DLG2: variants seen among roughly 807,000 people sequenced by gnomAD.
DLG2 encodes disks large homolog 2.
DLG2 carries 45 observed loss-of-function variants against 132.5 expected under a neutral mutation model. The ratio of observed to expected loss-of-function variants is 0.34; its 90% CI spans 0.27 to 0.44. The LOEUF (loss-of-function observed/expected upper bound fraction) is 0.44. Among genes scored for constraint, DLG2 ranks in the 20% least tolerant of loss-of-function variants. DLG2 has a pLI of 1.00. For missense variants in DLG2, 1,045 were observed against 1,196.9 expected (o/e 0.87, Z 1.87); for synonymous variants, 424 against 419.6 (o/e 1.01, Z -0.13).
At chr11:83,638,959 TTTG>T (rs1447935578) in intron 18 of DLG2, among the ~76,000 whole-genome samples, 1 of 152,166 alleles carries the variant, frequency 6.6e-6, no homozygotes, top group Non-Finnish European at 1.5e-5. Context: ...TTGTTTGCAA[TTTG>T]TTAAGGGTAA....
intron 6 of DLG2, among the ~76,000 whole-genome samples, chr11:84,917,824 T>C (rs1457617215): frequency 3.3e-5 from 5 of 152,140 alleles, no homozygotes; most frequent in African/African-American, 1.2e-4. Flanking sequence ...GGTGTCCAAA[T>C]GGCTCACAAC....
intron 9 of DLG2, among the ~76,000 whole-genome samples, chr11:84,159,542 G>T (rs1348413923): frequency 2.0e-5 from 3 of 152,186 alleles, no homozygotes; most frequent in African/African-American, 7.2e-5. Flanking sequence ...GGTCACCGTG[G>T]CTAGAGTGAA....
At chr11:84,371,436 CG>C (rs2098706071) in intron 7 of DLG2, among the ~76,000 whole-genome samples, 1 of 151,642 alleles carries the variant, frequency 6.6e-6, no homozygotes, top group African/African-American at 2.4e-5. Flanking sequence ...TTTGTATAGA[CG>C]GGGTTTTGCC....
intron 8 of DLG2, among the ~76,000 whole-genome samples, chr11:84,198,085 T>A (rs866075334): frequency 6.6e-6 from 1 of 152,302 alleles, no homozygotes; most frequent in African/African-American, 2.4e-5. Context: ...CTTGGACAAC[T>A]TCTGTATAAA....
chr11:85,197,440 C>A (rs970060056), intron 4 of DLG2, among the ~76,000 whole-genome samples: 3 of 152,146 alleles, frequency 2.0e-5, no homozygotes, highest in Non-Finnish European at 2.9e-5. Context: ...CTTCTAGACT[C>A]ACACCAAGAA....
intron 6 of DLG2, among the ~76,000 whole-genome samples, chr11:84,536,895 A>G (rs1027305837): frequency 6.6e-6 from 1 of 152,196 alleles, no homozygotes; most frequent in African/African-American, 2.4e-5. Flanking sequence ...GCTGGGCTAT[A>G]GAAACAGCCT....
chr11:85,625,808 C>CAAAAA (rs2081999917), intron 2 of DLG2, among the ~76,000 whole-genome samples: 1 of 152,080 alleles, frequency 6.6e-6, no homozygotes, highest in South Asian at 2.1e-4. Context: ...CATATAATGT[C>CAAAAA]AAAACAAAAC....
chr11:84,365,702 G>T (rs1473529702), intron 7 of DLG2, among the ~76,000 whole-genome samples: 1 of 151,746 alleles, frequency 6.6e-6, no homozygotes, highest in African/African-American at 2.4e-5. Context: ...AGAGATTCTG[G>T]TATGTTGTGT....
At position 85,131,837 on chromosome 11, in the gene DLG2, T is replaced by A. The variant is rs564447853; in HGVS notation, c.283-20102A>T. ...GGAGATCACAATGGGACATCTACAC[T>A]TAGTTAACTCTCATGTACTAAGCTA... On this transcript the variant is annotated intron_variant, in intron 5 of 27. Coordinates refer to ENST00000376104, the MANE Select transcript of DLG2 (RefSeq NM_001142699.3). Among the ~76,000 whole-genome samples, 3 of 152,284 alleles carry A rather than the reference T, an allele frequency of 2.0e-5. No homozygotes were observed. The East Asian group carries it at 5.8e-4, about 29-fold the overall frequency.
In DLG2 at chr11:85,440,453, G is replaced by A. The variant is rs190941411; in HGVS notation, c.41-155088C>T. 1.5e-4 allele frequency among the ~76,000 whole-genome samples: 23 copies of A among 152,224 alleles called. 1 individual carries two copies. Among genetic ancestry groups the A allele is most frequent in the African/African-American group, 5.3e-4 (22 of 41,540 alleles). ...CCAGACATTTTTCTCATTTCTCCCA[G>A]GAGTAAGGCTGTCACCTGTCACTTT... On this transcript the variant is annotated intron_variant, in intron 3 of 27. Coordinates refer to ENST00000376104, the MANE Select transcript of DLG2 (RefSeq NM_001142699.3).
Position 85,610,961 on chromosome 11 carries a change from T to C in DLG2, c.-92-12173A>G, listed in dbSNP as rs1336341411. On this transcript the variant is annotated intron_variant, in intron 2 of 27. Transcript: ENST00000376104. ...TAATCAAGGAGCCCCAGAGGGCAAA[T>C]ACTCATCTAGTAGAATGAGAACCAG... Among the ~76,000 whole-genome samples the C allele has an allele frequency of 2.6e-5, 4 of 152,124 alleles. No individual in the cohort carries two copies. In the South Asian group the frequency reaches 8.3e-4, roughly 32 times the overall value.
At chr11:84,095,064 GA>G (rs952356224) in intron 10 of DLG2, among the ~76,000 whole-genome samples, 1 of 150,702 alleles carries the variant, frequency 6.6e-6, no homozygotes, top group Non-Finnish European at 1.5e-5. Context: ...ATGACCAAGA[GA>G]AAAAAAAGTA....
At chr11:85,358,531 T>G (rs1435838432) in intron 3 of DLG2, among the ~76,000 whole-genome samples, 2 of 152,092 alleles carry the variant, frequency 1.3e-5, no homozygotes, top group East Asian at 1.9e-4. Flanking sequence ...GATAATGAGG[T>G]GCTGAACCAG....
chr11:83,762,438 C>T (rs893625743), intron 18 of DLG2, among the ~76,000 whole-genome samples: 3 of 152,168 alleles, frequency 2.0e-5, no homozygotes, highest in Admixed American at 6.5e-5. Context: ...CATCACCTCA[C>T]ATTTTGTTCT....
chr11:83,503,372 TATATATA>T (rs2094533860), intron 21 of DLG2, among the ~76,000 whole-genome samples: 2 of 2,630 alleles, frequency 7.6e-4, no homozygotes, highest in Non-Finnish European at 1.7e-3. Context: ...CACCCATTTA[TATATATA>T]TATATATATA....
chr11:84,448,002 T>A (rs994911463), intron 7 of DLG2, among the ~76,000 whole-genome samples: 3 of 152,096 alleles, frequency 2.0e-5, no homozygotes, highest in African/African-American at 4.8e-5. Flanking sequence ...CAACAATGCA[T>A]AAATAAGGCC....
rs559735959 is a variant in DLG2 at position 84,916,344 on chromosome 11, G to A, written c.357+195317C>T. ...AGCCTGGGCGACAGAGCGAGACTCC[G>A]TCTCAAAAAAAAAAAAAAAAAAAAA... On this transcript the variant is annotated intron_variant, in intron 6 of 27. Coordinates refer to ENST00000376104, the MANE Select transcript of DLG2 (RefSeq NM_001142699.3). 0.014 allele frequency among the ~76,000 whole-genome samples: 309 copies of A among 21,878 alleles called. 1 individual carries two copies. The Middle Eastern group carries it at 0.19, about 13-fold the overall frequency. The allele number at this position is 21,878 out of a possible 152,430, so 14.4% of individuals were successfully genotyped here. A position where few individuals can be genotyped will look rare whatever the true frequency, so the allele number is the denominator to read the frequency against.
intron 6 of DLG2, among the ~76,000 whole-genome samples, chr11:84,868,905 A>G (rs906645944): frequency 6.6e-6 from 1 of 152,246 alleles, no homozygotes; most frequent in Non-Finnish European, 1.5e-5. Context: ...ATCTGACTAT[A>G]CTATGAGTTT....
intron 8 of DLG2, among the ~76,000 whole-genome samples, chr11:84,222,147 C>T (rs746153308): frequency 5.9e-5 from 9 of 152,096 alleles, no homozygotes; most frequent in Non-Finnish European, 1.0e-4. Context: ...ATTCTCCTGC[C>T]TCAGCCTCCC....
Sources: allele counts gnomAD v4.1 joint callset (sites outside exome capture counted in the v4.1 genomes callset), GRCh38; gene constraint gnomAD v4.1.1; transcripts MANE v1.5; gene names NCBI Gene and HGNC (gene_info 2026-07-23, HGNC 2026-07-21).